The following PTPRQ variants were observed in gnomAD, a reference collection of about 807,000 sequenced individuals.
PTPRQ encodes phosphatidylinositol phosphatase PTPRQ.
PTPRQ carries 199 observed loss-of-function variants against 246.0 expected under a neutral mutation model. The ratio of observed to expected loss-of-function variants is 0.81; its 90% CI spans 0.72 to 0.91. PTPRQ has a LOEUF of 0.91. Ranked by LOEUF, PTPRQ falls within the 40% of genes least tolerant of loss-of-function variation. The pLI is 0.00. For missense variants in PTPRQ, 2,624 were observed against 2,528.4 expected (o/e 1.04, Z -0.81); for synonymous variants, 869 against 853.2 (o/e 1.02, Z -0.32).
At chr12:80,537,364 A>G (rs1356600796) in intron 19 of PTPRQ, among the ~76,000 whole-genome samples, 1 of 152,176 alleles carries the variant, frequency 6.6e-6, no homozygotes, top group Non-Finnish European at 1.5e-5. Context: ...AGAACTTTGT[A>G]GAATATGTCA....
chr12:80,482,773 A>T (rs1191894481), intron 8 of PTPRQ, among the ~76,000 whole-genome samples: 2 of 151,122 alleles, frequency 1.3e-5, no homozygotes, highest in African/African-American at 4.9e-5. Context: ...ACACATGAAA[A>T]AATGCTTATC....
At chr12:80,569,425 A>T (rs1814184292) in intron 25 of PTPRQ, among the ~76,000 whole-genome samples, 1 of 148,168 alleles carries the variant, frequency 6.7e-6, no homozygotes, top group African/African-American at 2.5e-5. Flanking sequence ...GCATTGGGAG[A>T]TATACCTAAT....
At chr12:80,455,294 T>C in intron 3 of PTPRQ, among the ~76,000 whole-genome samples, 1 of 152,210 alleles carries the variant, frequency 6.6e-6, no homozygotes. Context: ...TGGTTAATTA[T>C]TTAAAAAAAC....
intron 8 of PTPRQ, among the ~76,000 whole-genome samples, chr12:80,483,537 A>G (rs1165813800): frequency 6.6e-6 from 1 of 152,118 alleles, no homozygotes; most frequent in Admixed American, 6.5e-5. Flanking sequence ...AATAAAAGAA[A>G]AAAAAGAAAT....
chr12:80,469,136 C>G (rs1400024073), intron 7 of PTPRQ, among the ~76,000 whole-genome samples: 1 of 152,086 alleles, frequency 6.6e-6, no homozygotes, highest in Non-Finnish European at 1.5e-5. Context: ...AATATTTGAA[C>G]AAGAAGTCCT....
chr12:80,671,565 C>T (rs542641537), intron 42 of PTPRQ, among the ~76,000 whole-genome samples: 1 of 152,190 alleles, frequency 6.6e-6, no homozygotes, highest in South Asian at 2.1e-4. Context: ...ATATTATTGA[C>T]CATCTTTAAA....
intron 26 of PTPRQ, among the ~76,000 whole-genome samples, chr12:80,601,763 T>G (rs543294266): frequency 2.0e-5 from 3 of 151,810 alleles, no homozygotes; most frequent in African/African-American, 7.2e-5. Flanking sequence ...ACAAAGCATC[T>G]TATATTTATA....
At chr12:80,485,898 G>C (rs564586128) in intron 9 of PTPRQ, among the ~76,000 whole-genome samples, 1 of 151,816 alleles carries the variant, frequency 6.6e-6, no homozygotes, top group Non-Finnish European at 1.5e-5. Flanking sequence ...TTGTGATTCT[G>C]TCTCTATCTG....
chr12:80,650,449 A>C (rs1453080615), intron 37 of PTPRQ, among the ~76,000 whole-genome samples: 1 of 152,054 alleles, frequency 6.6e-6, no homozygotes, highest in East Asian at 1.9e-4. Flanking sequence ...GTTATTAAGA[A>C]AGACAGATTT....
intron 6 of PTPRQ, among the ~76,000 whole-genome samples, chr12:80,466,600 T>A (rs1736678330): frequency 6.6e-6 from 1 of 152,092 alleles, no homozygotes; most frequent in Non-Finnish European, 1.5e-5. Context: ...TACCTGACTT[T>A]AAACTATACT....
chr12:80,673,904 G>A (rs1302718612), intron 43 of PTPRQ, among the ~76,000 whole-genome samples: 1 of 152,054 alleles, frequency 6.6e-6, no homozygotes, highest in Non-Finnish European at 1.5e-5. Context: ...ACCCTCTACT[G>A]AGTGTCTACT....
chr12:80,573,181 C>T (rs894885679), intron 25 of PTPRQ, among the ~76,000 whole-genome samples: 1 of 152,088 alleles, frequency 6.6e-6, no homozygotes, highest in Non-Finnish European at 1.5e-5. Flanking sequence ...ACTACTCATA[C>T]TTTCTTTTTA....
Position 80,496,495 on chromosome 12 carries a change from G to T in PTPRQ, c.2236G>T (p.Val746Leu), listed in dbSNP as rs1894628131. ...SYTRFGHGNQ[V>L]SSLLSVRTSE... ...CACCAGATTTGGTCATGGCAATCAGGTATCTTCTTTACTCTCTGTAAGGAC... is the reference window on the plus strand; with the variant it reads ...CACCAGATTTGGTCATGGCAATCAGTTATCTTCTTTACTCTCTGTAAGGAC... Residue 746 changes from valine to leucine, a missense_variant, in exon 14 of 45, where the codon GTA becomes TTA. Coordinates refer to ENST00000644991, the MANE Select transcript of PTPRQ (RefSeq NM_001145026.2). 44 of 1,549,948 alleles carry T rather than the reference G, an allele frequency of 2.8e-5. No individual in the cohort carries two copies. Among genetic ancestry groups the T allele is most frequent in the Non-Finnish European group, 3.7e-5 (42 of 1,146,238 alleles).
chr12:80,674,862 T>C (rs1307892836), intron 43 of PTPRQ, among the ~76,000 whole-genome samples: 1 of 152,134 alleles, frequency 6.6e-6, no homozygotes, highest in Non-Finnish European at 1.5e-5. Flanking sequence ...TCTGATTACA[T>C]GTTGTTATTT....
intron 25 of PTPRQ, among the ~76,000 whole-genome samples, chr12:80,582,995 C>T (rs1219382790): frequency 1.3e-5 from 2 of 152,210 alleles, no homozygotes; most frequent in African/African-American, 4.8e-5. Flanking sequence ...TACTTCGCCC[C>T]TTCCCATTCA....
chr12:80,569,126 ATT>A (rs1897065136), intron 25 of PTPRQ, among the ~76,000 whole-genome samples: 1 of 137,602 alleles, frequency 7.3e-6, no homozygotes, highest in South Asian at 2.3e-4. Context: ...TTTGGATACA[ATT>A]CTTTTTTTTT....
At chr12:80,514,630 A>T (rs1200855299) in intron 17 of PTPRQ, among the ~76,000 whole-genome samples, 1 of 128,854 alleles carries the variant, frequency 7.8e-6, no homozygotes, top group African/African-American at 2.8e-5. Context: ...ACAAATTTTT[A>T]AATATATTTG....
chr12:80,496,275 C>T lies in PTPRQ; in HGVS notation c.2016C>T (p.Val672=), dbSNP rs760554958. The part of the protein sequence containing the change: ...EDEPESSPQD[V]EVIDVTADEI... Reference sequence around the variant, plus strand: ...AACCGGAATCATCACCTCAAGATGTCGAAGTAATTGATGTTACCGCAGATG... The same window carrying T: ...AACCGGAATCATCACCTCAAGATGTTGAAGTAATTGATGTTACCGCAGATG... The change falls in exon 14 of 45, where the codon GTC becomes GTT. Residue 672 remains valine (V), a synonymous_variant. Transcript: ENST00000644991. The T allele has an allele frequency of 1.5e-5, 24 of 1,550,256 alleles. No individual in the cohort carries two copies. The highest frequency in any genetic ancestry group is 1.2e-4 in the Admixed American group (6 of 50,876).
chr12:80,506,921 TG>T (rs1237770922), intron 16 of PTPRQ, among the ~76,000 whole-genome samples: 1 of 152,018 alleles, frequency 6.6e-6, no homozygotes, highest in Non-Finnish European at 1.5e-5. Flanking sequence ...CAGTCAGTCA[TG>T]TTTTTCCATG....
Sources: gnomAD v4.1 joint callset for allele counts (sites outside exome capture counted in the v4.1 genomes callset) on GRCh38, gnomAD v4.1.1 for gene constraint, MANE v1.5 for transcripts, NCBI Gene and HGNC (gene_info 2026-07-23, HGNC 2026-07-21) for gene names.